Variants in ZNF385D observed in about 807,000 individuals in gnomAD.
The protein encoded by ZNF385D is zinc finger protein 659.
Under a neutral mutation model 35.8 loss-of-function variants are expected in ZNF385D, and 15 were observed. The observed-to-expected ratio is 0.42, with a 90% CI of 0.28 to 0.64. The LOEUF is 0.64. ZNF385D is among the 30% of genes least tolerant of loss of function. ZNF385D has a pLI of 0.23. For missense variants in ZNF385D, 474 were observed against 494.6 expected, an observed-to-expected ratio of 0.96 and a Z score of 0.39; for synonymous variants, 212 against 186.8, an observed-to-expected ratio of 1.13 and a Z score of -1.10.
chr3:22,013,616 G>C (rs1033501150), intron 3 of ZNF385D, among the ~76,000 whole-genome samples: 2 of 152,094 alleles, frequency 1.3e-5, no homozygotes, highest in Non-Finnish European at 2.9e-5. Flanking sequence ...TCGACCACTA[G>C]GATTAGGTAG....
chr3:22,257,815 GAATA>G (rs1189892655), intron 2 of ZNF385D, among the ~76,000 whole-genome samples: 17 of 151,840 alleles, frequency 1.1e-4, no homozygotes, highest in African/African-American at 3.6e-4. Flanking sequence ...TTAAAATGCT[GAATA>G]AATAAAAATT....
At chr3:21,830,259 A>G (rs1277754635) in intron 3 of ZNF385D, among the ~76,000 whole-genome samples, 2 of 152,210 alleles carry the variant, frequency 1.3e-5, no homozygotes, top group African/African-American at 4.8e-5. Flanking sequence ...TACTGGCATG[A>G]GTATTTCGGG....
chr3:22,009,951 AT>A (rs1696466353), intron 3 of ZNF385D, among the ~76,000 whole-genome samples: 3 of 152,104 alleles, frequency 2.0e-5, no homozygotes, highest in Admixed American at 1.3e-4. Context: ...TATGAAAAAA[AT>A]GATAAGAATA....
At chr3:21,758,079 T>A (rs2070427703) in intron 3 of ZNF385D, among the ~76,000 whole-genome samples, 1 of 152,200 alleles carries the variant, frequency 6.6e-6, no homozygotes, top group Admixed American at 6.5e-5. Context: ...ATACTTTGTT[T>A]TCTGAGATAT....
chr3:21,679,588 A>G (rs2066835952), intron 1 of ZNF385D, among the ~76,000 whole-genome samples: 1 of 152,120 alleles, frequency 6.6e-6, no homozygotes, highest in Non-Finnish European at 1.5e-5. Flanking sequence ...ATGGCAAACT[A>G]TACTTAATGT....
chr3:21,647,610 T>C (rs1259890438), intron 2 of ZNF385D, among the ~76,000 whole-genome samples: 1 of 152,172 alleles, frequency 6.6e-6, no homozygotes, highest in Non-Finnish European at 1.5e-5. Context: ...AAATAATGAT[T>C]TCATTCTACT....
intron 4 of ZNF385D, among the ~76,000 whole-genome samples, chr3:21,438,133 A>T (rs1701665290): frequency 1.3e-5 from 2 of 152,138 alleles, no homozygotes; most frequent in African/African-American, 4.8e-5. Context: ...TCCCCTTCCA[A>T]ATATGCCAAT....
intron 1 of ZNF385D, among the ~76,000 whole-genome samples, chr3:21,712,492 T>G (rs749861160): frequency 1.3e-5 from 2 of 152,234 alleles, no homozygotes; most frequent in Non-Finnish European, 2.9e-5. Context: ...CATCTTTGTA[T>G]ACCTTCAAGA....
chr3:22,160,827 A>G (rs1705902803), intron 3 of ZNF385D, among the ~76,000 whole-genome samples: 7 of 152,264 alleles, frequency 4.6e-5, no homozygotes. Context: ...TGAATAAAAT[A>G]AAGCTGACAC....
At chr3:22,175,807 A>G (rs1694789655) in intron 2 of ZNF385D, among the ~76,000 whole-genome samples, 1 of 150,712 alleles carries the variant, frequency 6.6e-6, no homozygotes, top group African/African-American at 2.4e-5. Context: ...TTTGGAATAC[A>G]TATATATATA....
chr3:21,541,535 G>T (rs955567365), intron 3 of ZNF385D, among the ~76,000 whole-genome samples: 1 of 152,078 alleles, frequency 6.6e-6, no homozygotes, highest in Non-Finnish European at 1.5e-5. Flanking sequence ...GGAAGGATAC[G>T]AATGGCCACA....
intron 4 of ZNF385D, among the ~76,000 whole-genome samples, 180 bp downstream of exon 4, chr3:21,510,681 A>G (rs1228809932): frequency 6.6e-6 from 1 of 152,182 alleles, no homozygotes; most frequent in Admixed American, 6.5e-5. Context: ...ATAATTAGTG[A>G]TTATCTTAAT....
At chr3:21,799,152 A>T (rs2072285366) in intron 3 of ZNF385D, among the ~76,000 whole-genome samples, 1 of 152,230 alleles carries the variant, frequency 6.6e-6, no homozygotes, top group Non-Finnish European at 1.5e-5. Flanking sequence ...TTTGTGGCAG[A>T]AACATACTCT....
At chr3:22,314,782 C>A (rs528476317) in intron 2 of ZNF385D, among the ~76,000 whole-genome samples, 1 of 152,154 alleles carries the variant, frequency 6.6e-6, no homozygotes, top group East Asian at 1.9e-4. Context: ...TGCATTTTAT[C>A]TTTATACCAA....
At chr3:21,738,369 T>C (rs995467964) in intron 1 of ZNF385D, among the ~76,000 whole-genome samples, 1 of 152,204 alleles carries the variant, frequency 6.6e-6, no homozygotes, top group African/African-American at 2.4e-5. Flanking sequence ...TGTACCTTGG[T>C]CTTCCCATTT....
At chr3:22,179,285 T>C (rs1182079983) in intron 2 of ZNF385D, among the ~76,000 whole-genome samples, 2 of 152,222 alleles carry the variant, frequency 1.3e-5, no homozygotes, top group Non-Finnish European at 2.9e-5. Flanking sequence ...TAGTTCTCCT[T>C]GAAGAGGTCC....
At chr3:22,187,971 G>T (rs1230717210) in intron 2 of ZNF385D, among the ~76,000 whole-genome samples, 2 of 152,160 alleles carry the variant, frequency 1.3e-5, no homozygotes, top group South Asian at 4.1e-4. Context: ...GATGTTGCAT[G>T]TCATTAAGTA....
At chr3:22,170,759 GA>G (rs1377930669) in intron 2 of ZNF385D, among the ~76,000 whole-genome samples, 2 of 151,974 alleles carry the variant, frequency 1.3e-5, no homozygotes, top group African/African-American at 4.8e-5. Flanking sequence ...GTTATAATCA[GA>G]ACATTTCAAA....
At chr3:22,250,968 A>G (rs1386923090) in intron 2 of ZNF385D, among the ~76,000 whole-genome samples, 1 of 152,088 alleles carries the variant, frequency 6.6e-6, no homozygotes, top group African/African-American at 2.4e-5. Flanking sequence ...TTCTCTGCCC[A>G]TCTAAAGAGC....
Sources: gnomAD v4.1 joint callset for allele counts (sites outside exome capture counted in the v4.1 genomes callset) on GRCh38, gnomAD v4.1.1 for gene constraint, MANE v1.5 for transcripts, NCBI Gene and HGNC (gene_info 2026-07-23, HGNC 2026-07-21) for gene names.